The following SPATA12 variants were observed in gnomAD, a reference collection of about 807,000 sequenced individuals.
SPATA12 encodes the protein spermatogenesis associated 12.
For missense variants in SPATA12, 219 were observed against 226.4 expected (o/e 0.97, Z 0.21); for synonymous variants, 85 against 89.2 (o/e 0.95, Z 0.26).
At chr3:57,063,854 G>A (rs1705374419) in intron 1 of SPATA12, among the ~76,000 whole-genome samples, 1 of 152,220 alleles carries the variant, frequency 6.6e-6, no homozygotes, top group Admixed American at 6.5e-5. Context: ...AAGAGAATGG[G>A]ATAGCAGCAT....
At chr3:57,069,408 CACAT>C (rs1283877497) in intron 1 of SPATA12, among the ~76,000 whole-genome samples, 2 of 151,178 alleles carry the variant, frequency 1.3e-5, no homozygotes, top group Admixed American at 6.6e-5. Context: ...CACACACACA[CACAT>C]TGTTTGTTTA....
At chr3:57,063,245 G>A (rs903148259) in intron 1 of SPATA12, among the ~76,000 whole-genome samples, 1 of 151,994 alleles carries the variant, frequency 6.6e-6, no homozygotes, top group Non-Finnish European at 1.5e-5. Context: ...ACTAAGAGAG[G>A]AGTCAGAGAG....
chr3:57,066,045 A>C (rs1194959435), intron 1 of SPATA12, among the ~76,000 whole-genome samples: 42 of 134,290 alleles, frequency 3.1e-4, no homozygotes, highest in African/African-American at 1.2e-3. Flanking sequence ...CAAAACAAAA[A>C]AAAAAAACCC....
At chr3:57,065,199 C>A (rs1224665836) in intron 1 of SPATA12, among the ~76,000 whole-genome samples, 2 of 152,196 alleles carry the variant, frequency 1.3e-5, no homozygotes, top group Non-Finnish European at 2.9e-5. Flanking sequence ...TCACGCCTCA[C>A]GCCTGTAATC....
At chr3:57,065,058 T>C (rs1705446909) in intron 1 of SPATA12, among the ~76,000 whole-genome samples, 1 of 152,166 alleles carries the variant, frequency 6.6e-6, no homozygotes, top group African/African-American at 2.4e-5. Context: ...TAGGGAGAAG[T>C]AGGGTGGAGA....
At chr3:57,062,639 G>GT (rs1705292048) in intron 1 of SPATA12, among the ~76,000 whole-genome samples, 1 of 152,208 alleles carries the variant, frequency 6.6e-6, no homozygotes, top group South Asian at 2.1e-4. Context: ...CTATGTAGCT[G>GT]TTTAACAAGC....
chr3:57,069,162 C>T (rs1474895679), intron 1 of SPATA12, among the ~76,000 whole-genome samples: 1 of 152,116 alleles, frequency 6.6e-6, no homozygotes, highest in East Asian at 1.9e-4. Context: ...ACCTCGTGAT[C>T]CACTTGCCTC....
intron 1 of SPATA12, among the ~76,000 whole-genome samples, chr3:57,062,514 G>T (rs766712245): frequency 2.0e-5 from 3 of 152,160 alleles, no homozygotes. Flanking sequence ...AAGGAAGCAG[G>T]GCAAGTGCCC....
At chr3:57,067,278 T>C (rs1010086061) in intron 1 of SPATA12, among the ~76,000 whole-genome samples, 9 of 151,194 alleles carry the variant, frequency 6.0e-5, no homozygotes, top group South Asian at 2.1e-4. Flanking sequence ...GGTGAAACCC[T>C]GTCTCTTCTA....
At chr3:57,067,095 T>C (rs1234847413) in intron 1 of SPATA12, among the ~76,000 whole-genome samples, 1 of 152,172 alleles carries the variant, frequency 6.6e-6, no homozygotes, top group Non-Finnish European at 1.5e-5. Flanking sequence ...AAATTTCAAG[T>C]CACCAGATAA....
At chr3:57,068,717 G>C (rs1239385192) in intron 1 of SPATA12, among the ~76,000 whole-genome samples, 2 of 152,144 alleles carry the variant, frequency 1.3e-5, no homozygotes, top group East Asian at 3.8e-4. Context: ...TTCTGAGACT[G>C]GGCAGGAACT....
intron 1 of SPATA12, among the ~76,000 whole-genome samples, chr3:57,071,377 T>C (rs976640497): frequency 1.3e-5 from 2 of 152,046 alleles, no homozygotes; most frequent in Admixed American, 1.3e-4. Flanking sequence ...TATATAGGCA[T>C]ATGGCTGGGC....
intron 1 of SPATA12, among the ~76,000 whole-genome samples, chr3:57,066,859 G>T (rs374076134): frequency 6.6e-6 from 1 of 152,216 alleles, no homozygotes; most frequent in Non-Finnish European, 1.5e-5. Context: ...TGGGCTCACT[G>T]CAACTCTTCC....
intron 1 of SPATA12, among the ~76,000 whole-genome samples, chr3:57,063,300 A>G (rs75360742): frequency 6.6e-6 from 1 of 152,118 alleles, no homozygotes; most frequent in Admixed American, 6.5e-5. Context: ...AGCCACCCTA[A>G]AGGCTTTGGC....
chr3:57,065,471 A>G (rs1273511702), intron 1 of SPATA12, among the ~76,000 whole-genome samples: 1 of 152,206 alleles, frequency 6.6e-6, no homozygotes, highest in Non-Finnish European at 1.5e-5. Flanking sequence ...AAAACAAAAA[A>G]AAAAGAAATT....
intron 1 of SPATA12, among the ~76,000 whole-genome samples, chr3:57,064,958 G>A (rs1705442177): frequency 6.6e-6 from 1 of 152,186 alleles, no homozygotes; most frequent in Admixed American, 6.5e-5. Context: ...ACAATTTTTT[G>A]AGACACAATA....
At chr3:57,063,340 G>A (rs1384383152) in intron 1 of SPATA12, among the ~76,000 whole-genome samples, 1 of 152,164 alleles carries the variant, frequency 6.6e-6, no homozygotes, top group African/African-American at 2.4e-5. Context: ...AGCTATTTGA[G>A]GGCTTTGAGC....
intron 1 of SPATA12, among the ~76,000 whole-genome samples, chr3:57,062,245 CTGCTCTAGCGCTGGGTGAG>C (rs1371282090): frequency 6.6e-6 from 1 of 152,252 alleles, no homozygotes; most frequent in East Asian, 1.9e-4. Context: ...CCTGTCCTCA[CTGCTCTAGCGCTGGGTGAG>C]TGCCTTCAAG....
At chr3:57,066,780 A>G (rs1705563244) in intron 1 of SPATA12, among the ~76,000 whole-genome samples, 1 of 152,220 alleles carries the variant, frequency 6.6e-6, no homozygotes, top group Non-Finnish European at 1.5e-5. Flanking sequence ...GCTTTATCCA[A>G]TCAGCTATAA....
Sources: gnomAD v4.1 joint callset for allele counts (sites outside exome capture counted in the v4.1 genomes callset) on GRCh38, gnomAD v4.1.1 for gene constraint, MANE v1.5 for transcripts, NCBI Gene and HGNC (gene_info 2026-07-23, HGNC 2026-07-21) for gene names.